BSN: variants seen among roughly 807,000 people sequenced by gnomAD.
BSN encodes bassoon presynaptic cytomatrix protein.
In BSN, 57 loss-of-function variants were observed where a neutral mutation model predicts 264.8. The observed-to-expected ratio is 0.22, with a 90% confidence interval of 0.17 to 0.27. The LOEUF (loss-of-function observed/expected upper bound fraction) is 0.27, where lower values mean the gene tolerates loss of function less well. BSN is among the 10% of genes least tolerant of loss of function. The probability of loss-of-function intolerance (pLI) is 1.00; values close to 1 mark genes in which losing one functional copy is unlikely to be tolerated. For synonymous variants in BSN, 2,059 were observed against 2,137.3 expected, an observed-to-expected ratio of 0.96 and a Z score of 1.01; for missense variants, 4,615 against 5,232.5, an observed-to-expected ratio of 0.88 and a Z score of 3.64.
chr3:49,617,453 C>T lies in BSN; in HGVS notation c.225-7522C>T, dbSNP rs111367074. Among the ~76,000 whole-genome samples, 10 of 152,018 alleles carry T rather than the reference C, an allele frequency of 6.6e-5. 1 individual carries two copies. The highest frequency in any genetic ancestry group is 1.9e-4 in the African/African-American group (8 of 41,432). On this transcript the variant is annotated intron_variant, in intron 1 of 11. Coordinates refer to ENST00000296452, the MANE Select transcript of BSN (RefSeq NM_003458.4). Reference sequence around the variant, plus strand: ...CACCCCTCTCCCCTCCTTGCTTACACACCCTTACCCTGGCCCTCCCCAGCA... The same window carrying T: ...CACCCCTCTCCCCTCCTTGCTTACATACCCTTACCCTGGCCCTCCCCAGCA...
chr3:49,554,520 C>A lies in BSN; in HGVS notation c.-83C>A. 1 of 409,432 alleles carries A rather than the reference C, an allele frequency of 2.4e-6. No homozygotes were observed. Among genetic ancestry groups the A allele is most frequent in the Non-Finnish European group, 3.3e-6 (1 of 304,180 alleles). 25.4% of individuals were successfully genotyped at this position (409,432 alleles called of 1,614,324 possible). Reference sequence around the variant, plus strand: ...AGCTGGGAGATGGCGGCGGCAGCGGCGGCGCCGAGAGTGTGAGCACCGCCC... The same window carrying A: ...AGCTGGGAGATGGCGGCGGCAGCGGAGGCGCCGAGAGTGTGAGCACCGCCC... On this transcript the variant is annotated 5_prime_UTR_variant, in exon 1 of 12. Transcript: ENST00000296452.
At chr3:49,619,189 A>ATGGCCC in intron 1 of BSN, among the ~76,000 whole-genome samples, 1 of 152,330 alleles carries the variant, frequency 6.6e-6, no homozygotes, top group South Asian at 2.1e-4. Flanking sequence ...GAATGGTGTC[A>ATGGCCC]TGGCCCTAGC....
At chr3:49,608,557 T>C (rs566847544) in intron 1 of BSN, among the ~76,000 whole-genome samples, 1 of 152,304 alleles carries the variant, frequency 6.6e-6, no homozygotes, top group South Asian at 2.1e-4. Flanking sequence ...AGGCTTGGCG[T>C]GGTGGCTCAC....
At chr3:49,611,415 G>T (rs1216803357) in intron 1 of BSN, among the ~76,000 whole-genome samples, 1 of 152,196 alleles carries the variant, frequency 6.6e-6, no homozygotes, top group Non-Finnish European at 1.5e-5. Context: ...ATCATGCGGG[G>T]TCCTAATGCA....
chr3:49,652,048 C>T lies in BSN; in HGVS notation c.2492C>T (p.Pro831Leu), dbSNP rs895038731. ...CTGTCCCCTCTTCCACCCCAGCCCC[C>T]AGCCCGGGCAGCAGAACTGACTGAT... ...GGLSPLPPQP[P>L]ARAAELTDED... Residue 831 changes from proline to leucine, a missense_variant, in exon 5 of 12, where the codon CCA becomes CTA. This residue lies in a region of BSN where 1,197 missense variants were observed against 1,348.0 expected (regional missense o/e 0.89). Transcript: ENST00000296452. 8.1e-6 allele frequency: 13 copies of T among 1,609,746 alleles called. No homozygotes were observed. The highest frequency in any genetic ancestry group is 8.0e-5 in the African/African-American group (6 of 74,880).
chr3:49,642,634 G>A lies in BSN; in HGVS notation c.1000G>A (p.Ala334Thr), dbSNP rs368147783. Residue 334 changes from alanine (A) to threonine (T), a missense_variant, in exon 3 of 12, where the codon GCT becomes ACT. By Grantham distance (58) the Ala-to-Thr change is moderately conservative (BLOSUM62 0). Transcript: ENST00000296452. This position sits in a 1 kb window ranked among gnomAD's most constrained non-coding sequence, Gnocchi z 7.0. ...APAKSATAVP[A>T]GLGATEQTQE... ...GGCCAAAAGTGCCACCGCAGTGCCC[G>A]CTGGGCTTGGTGCCACTGAGCAGAC... The A allele has an allele frequency of 1.1e-5, 18 of 1,602,108 alleles. No individual in the cohort carries two copies. In the African/African-American group the frequency reaches 1.2e-4, roughly 11 times the overall value.
intron 1 of BSN, among the ~76,000 whole-genome samples, chr3:49,618,299 T>C (rs1420327301): frequency 6.6e-6 from 1 of 152,194 alleles, no homozygotes; most frequent in Non-Finnish European, 1.5e-5. Flanking sequence ...TCTTACCCAC[T>C]AATTGACTTC....
At chr3:49,664,294 C>T (rs1234903202) in intron 8 of BSN, 129 bp from the exon 9 acceptor site, 2 of 1,228,050 alleles carry the variant, frequency 1.6e-6, no homozygotes, top group African/African-American at 3.0e-5. Context: ...TCTTTATTTC[C>T]CTAGCCTCCT....
At chr3:49,563,058 C>T (rs535583038) in intron 1 of BSN, among the ~76,000 whole-genome samples, 4 of 152,278 alleles carry the variant, frequency 2.6e-5, no homozygotes, top group African/African-American at 9.6e-5. Context: ...CTCTATTGAG[C>T]ATAGAAAACA....
At chr3:49,588,705 G>T (rs2051954137) in intron 1 of BSN, among the ~76,000 whole-genome samples, 1 of 152,052 alleles carries the variant, frequency 6.6e-6, no homozygotes, top group South Asian at 2.1e-4. Context: ...TTAGGAATGT[G>T]TTGTTCAATT....
intron 2 of BSN, among the ~76,000 whole-genome samples, chr3:49,630,028 CCT>C (rs1462678598): frequency 6.6e-6 from 1 of 152,208 alleles, no homozygotes; most frequent in African/African-American, 2.4e-5. Flanking sequence ...TGGCTCCGAG[CCT>C]CTCTCTCCCC....
intron 1 of BSN, among the ~76,000 whole-genome samples, chr3:49,607,505 T>A (rs2052163985): frequency 6.6e-6 from 1 of 152,168 alleles, no homozygotes; most frequent in South Asian, 2.1e-4. Context: ...TAGGGTGTGA[T>A]CACATATGCT....
intron 1 of BSN, among the ~76,000 whole-genome samples, chr3:49,606,451 A>G (rs940993519): frequency 2.7e-5 from 4 of 149,170 alleles, no homozygotes; most frequent in Non-Finnish European, 5.9e-5. Flanking sequence ...CATACTCTGA[A>G]TGAATTGGAC....
intron 1 of BSN, among the ~76,000 whole-genome samples, chr3:49,601,153 G>C (rs534664293): frequency 1.3e-5 from 2 of 152,316 alleles, no homozygotes; most frequent in Admixed American, 6.5e-5. Context: ...AACCCCTCTA[G>C]GGGAACAGAC....
intron 1 of BSN, among the ~76,000 whole-genome samples, chr3:49,607,535 A>C (rs1204783077): frequency 6.6e-6 from 1 of 152,226 alleles, no homozygotes; most frequent in Non-Finnish European, 1.5e-5. Context: ...TCACACACAC[A>C]TGCACACAGT....
At chr3:49,637,216 G>A (rs921101495) in intron 2 of BSN, among the ~76,000 whole-genome samples, 25 of 152,204 alleles carry the variant, frequency 1.6e-4, no homozygotes, top group African/African-American at 2.7e-4. Context: ...GCTGAGTGAC[G>A]TCTGCAACCT....
intron 2 of BSN, among the ~76,000 whole-genome samples, chr3:49,629,169 C>A (rs2052366842): frequency 6.6e-6 from 1 of 152,244 alleles, no homozygotes; most frequent in Non-Finnish European, 1.5e-5. Context: ...TGGACAAATA[C>A]TTGAATTTCC....
chr3:49,575,502 ATATATATGTAAATATATGTGTG>A (rs1295167209), intron 1 of BSN, among the ~76,000 whole-genome samples: 33 of 147,568 alleles, frequency 2.2e-4, no homozygotes, highest in Admixed American at 1.8e-3. Context: ...ATGTGTGTGT[ATATATATGTAAATATATGTGTG>A]TATATATGTA....
chr3:49,642,747 T>G lies in BSN; in HGVS notation c.1113T>G (p.Ala371=). The part of the protein sequence containing the change: ...ASTLMSVQPE[A]DTQGQPAPSK... ...CCCTCATGTCTGTGCAGCCCGAGGC[T>G]GACACCCAGGGCCAGCCTGCCCCCA... Residue 371 remains alanine (A), a synonymous_variant, in exon 3 of 12, where the codon GCT becomes GCG. Transcript: ENST00000296452. The surrounding 1 kb of genome is among the most constrained non-coding windows in gnomAD (Gnocchi z 7.0). 6.2e-7 allele frequency: 1 copy of G among 1,613,398 alleles called. No individual in the cohort carries two copies. Among genetic ancestry groups the G allele is most frequent in the Non-Finnish European group, 8.5e-7 (1 of 1,179,922 alleles).
Sources: allele counts gnomAD v4.1 joint callset (sites outside exome capture counted in the v4.1 genomes callset), GRCh38; gene constraint gnomAD v4.1.1; regional missense constraint gnomAD v4.1.1; non-coding constraint Gnocchi (gnomAD v3.1); transcripts MANE v1.5; gene names NCBI Gene and HGNC (gene_info 2026-07-23, HGNC 2026-07-21).